Variants in VXN observed in about 807,000 individuals in gnomAD.
VXN encodes vexin.
VXN carries 7 observed loss-of-function variants against 23.1 expected under a neutral mutation model. That is an observed-to-expected ratio of 0.30 (90% confidence interval 0.17 to 0.57). VXN has a LOEUF of 0.57. VXN is among the 20% of genes least tolerant of loss of function. The probability of loss-of-function intolerance (pLI) is 0.91; values close to 1 mark genes in which losing one functional copy is unlikely to be tolerated. For missense variants in VXN, 238 were observed against 272.6 expected (o/e 0.87, Z 0.89); for synonymous variants, 120 against 105.8 (o/e 1.13, Z -0.83).
chr8:66,504,522 C>T (rs1297827392), intron 2 of VXN, among the ~76,000 whole-genome samples: 1 of 151,698 alleles, frequency 6.6e-6, no homozygotes, highest in Non-Finnish European at 1.5e-5. Context: ...AAAATGGCTA[C>T]TATTTGTCTC....
At chr8:66,502,826 A>G (rs1288283761) in intron 2 of VXN, among the ~76,000 whole-genome samples, 1 of 151,708 alleles carries the variant, frequency 6.6e-6, no homozygotes, top group Non-Finnish European at 1.5e-5. Flanking sequence ...GTAAATTCCT[A>G]TCTGGATGTA....
intron 4 of VXN, among the ~76,000 whole-genome samples, chr8:66,511,902 C>T (rs1807828018): frequency 1.3e-5 from 2 of 152,020 alleles, no homozygotes; most frequent in African/African-American, 4.8e-5. Context: ...CCCATCTCTA[C>T]TAAAAATACA....
At chr8:66,513,893 AGTCATTTG>A (rs1160665548) in intron 5 of VXN, 3 of 434,098 alleles carry the variant, frequency 6.9e-6, no homozygotes, top group Non-Finnish European at 1.2e-5. Context: ...GGCTTGGAGA[AGTCATTTG>A]GGAGGTTTTT....
intron 2 of VXN, chr8:66,501,389 C>T (rs1389734391): frequency 6.6e-6 from 1 of 152,104 alleles, no homozygotes; most frequent in Non-Finnish European, 1.5e-5. Context: ...GATTGTAGGG[C>T]AACTGATTCT....
At chr8:66,509,074 C>A (rs548182311) in intron 3 of VXN, among the ~76,000 whole-genome samples, 3 of 152,316 alleles carry the variant, frequency 2.0e-5, no homozygotes, top group Admixed American at 2.0e-4. Flanking sequence ...CAGTGCCTGG[C>A]GTACAGACAA....
chr8:66,513,765 C>T, intron 5 of VXN, 128 bp downstream of exon 5: 1 of 655,876 alleles, frequency 1.5e-6, no homozygotes, highest in East Asian at 2.8e-5. Flanking sequence ...ATGCCAGCTG[C>T]AAATTATCTT....
At chr8:66,512,709 C>T (rs1027356808) in intron 4 of VXN, among the ~76,000 whole-genome samples, 2 of 152,192 alleles carry the variant, frequency 1.3e-5, no homozygotes, top group Non-Finnish European at 2.9e-5. Flanking sequence ...GAAAGATCAA[C>T]TTGGGCCACC....
At chr8:66,498,018 A>C (rs2130542034) in intron 2 of VXN, among the ~76,000 whole-genome samples, 2 of 152,230 alleles carry the variant, frequency 1.3e-5, no homozygotes, top group South Asian at 4.2e-4. Flanking sequence ...AAATACAAAA[A>C]TTAGTTGGGC....
intron 3 of VXN, among the ~76,000 whole-genome samples, chr8:66,507,838 G>A (rs569974776): frequency 6.6e-6 from 1 of 152,318 alleles, no homozygotes; most frequent in African/African-American, 2.4e-5. Flanking sequence ...CCATCCTCCT[G>A]TCAAGAAAGG....
At position 66,511,832 on chromosome 8, in the gene VXN, G is replaced by A. The variant is rs143112739; in HGVS notation, c.342+1675G>A. ...CTGTAATCCCAGCACTTTGGGAGGC[G>A]GAGGCAGGTGGTCACCTGAGGCCAA... On this transcript the variant is annotated intron_variant, in intron 4 of 5. Coordinates refer to ENST00000305454, the MANE Select transcript of VXN (RefSeq NM_152765.4). 3.4e-3 allele frequency among the ~76,000 whole-genome samples: 523 copies of A among 152,126 alleles called. 4 individuals are homozygous for A. The highest frequency in any genetic ancestry group is 0.012 in the African/African-American group (495 of 41,502).
Position 66,516,650 on chromosome 8 carries a change from G to T in VXN, c.*574G>T, listed in dbSNP as rs995537606. ...TTGCATGAATTCTCTATTCTTTTAT[G>T]TGCAGTTTTTCTATAGAAAAACATT... On this transcript the variant is annotated 3_prime_UTR_variant, in exon 6 of 6. Transcript: ENST00000305454. 1 of 152,138 alleles carries T rather than the reference G, an allele frequency of 6.6e-6. No individual in the cohort carries two copies. Among genetic ancestry groups the T allele is most frequent in the Non-Finnish European group, 1.5e-5 (1 of 68,022 alleles). 9.4% of individuals were successfully genotyped at this position (152,138 alleles called of 1,614,324 possible).
intron 2 of VXN, among the ~76,000 whole-genome samples, chr8:66,504,029 G>T (rs374131472): frequency 1.3e-5 from 2 of 152,132 alleles, no homozygotes; most frequent in Non-Finnish European, 2.9e-5. Flanking sequence ...GTCCCCAGTC[G>T]CGACCTGGGA....
Position 66,518,512 on chromosome 8 carries a change from T to G in VXN, c.*2436T>G, listed in dbSNP as rs1404487843. 6.6e-6 allele frequency: 1 copy of G among 152,230 alleles called. No homozygotes were observed. Among genetic ancestry groups the G allele is most frequent in the Non-Finnish European group, 1.5e-5 (1 of 68,038 alleles). 9.4% of individuals were successfully genotyped at this position (152,230 alleles called of 1,614,324 possible). ...AAGTCAGCTTTGTTTGTGACATTCA[T>G]GCACCACCATAAGAGCATGCCTGAG... On this transcript the variant is annotated 3_prime_UTR_variant, in exon 6 of 6. Transcript: ENST00000305454.
Position 66,497,149 on chromosome 8 carries a change from C to G in VXN, c.126+657C>G, listed in dbSNP as rs2130541279. ...CCATCTGCCTTGGCCTTCCAAAGTG[C>G]TGGGATTACAGGCATGAGCCACTGC... is the stretch of plus-strand genomic sequence containing the variant. On this transcript the variant is annotated intron_variant, in intron 2 of 5. Transcript: ENST00000305454. Among the ~76,000 whole-genome samples the G allele has an allele frequency of 2.0e-5, 3 of 152,296 alleles. No homozygotes were observed. In the South Asian group the frequency reaches 6.2e-4, roughly 32 times the overall value.
chr8:66,506,224 A>T (rs1287615158), intron 3 of VXN, among the ~76,000 whole-genome samples: 66 of 138,536 alleles, frequency 4.8e-4, no homozygotes, highest in Non-Finnish European at 8.5e-4. Flanking sequence ...AGAGAGAGAG[A>T]GAGAGACAGT....
intron 3 of VXN, among the ~76,000 whole-genome samples, chr8:66,509,556 G>C (rs1159102062): frequency 6.6e-6 from 1 of 152,126 alleles, no homozygotes; most frequent in Non-Finnish European, 1.5e-5. Flanking sequence ...ACAGCACCGT[G>C]TTAAATAACT....
At chr8:66,514,574 C>T (rs997403473) in intron 5 of VXN, among the ~76,000 whole-genome samples, 2 of 152,062 alleles carry the variant, frequency 1.3e-5, no homozygotes, top group Non-Finnish European at 2.9e-5. Flanking sequence ...GAGCTATAGG[C>T]GCCCGCCACC....
At chr8:66,511,311 GGTGGTGCAAT>G (rs976077918) in intron 4 of VXN, among the ~76,000 whole-genome samples, 1 of 152,236 alleles carries the variant, frequency 6.6e-6, no homozygotes, top group Non-Finnish European at 1.5e-5. Context: ...AAGATCCATA[GGTGGTGCAAT>G]GTGAGAACCG....
chr8:66,504,947 A>G (rs945340829), intron 2 of VXN, among the ~76,000 whole-genome samples: 4 of 152,234 alleles, frequency 2.6e-5, no homozygotes, highest in African/African-American at 9.6e-5. Context: ...CTGCATGAAC[A>G]AGGGCGTTGT....
Sources: gnomAD v4.1 joint callset for allele counts (sites outside exome capture counted in the v4.1 genomes callset) on GRCh38, gnomAD v4.1.1 for gene constraint, MANE v1.5 for transcripts, NCBI Gene and HGNC (gene_info 2026-07-23, HGNC 2026-07-21) for gene names.